ASTN2: variants seen among roughly 807,000 people sequenced by gnomAD.
ASTN2 encodes the protein astrotactin-2.
In ASTN2, 54 loss-of-function variants were observed where a neutral mutation model predicts 139.8. The ratio of observed to expected loss-of-function variants is 0.39; its 90% CI spans 0.31 to 0.48. The LOEUF (loss-of-function observed/expected upper bound fraction) is 0.48. Ranked by LOEUF, ASTN2 falls within the 20% of genes least tolerant of loss-of-function variation. ASTN2 has a pLI of 0.95. For missense variants in ASTN2, 1,565 were observed against 1,725.1 expected (o/e 0.91, Z 1.64); for synonymous variants, 756 against 719.5 (o/e 1.05, Z -0.81).
intron 5 of ASTN2, among the ~76,000 whole-genome samples, chr9:117,085,199 A>C (rs1262691843): frequency 1.3e-5 from 2 of 152,148 alleles, no homozygotes; most frequent in Admixed American, 1.3e-4. Context: ...CATCTAGTGC[A>C]TCATCCTCGG....
At position 116,706,760 on chromosome 9, in the gene ASTN2, A is replaced by ATTT. The variant is rs60395133; in HGVS notation, c.2806+19008_2806+19010dup. On this transcript the variant is annotated intron_variant, in intron 16 of 22. Transcript: ENST00000313400. ...TGCTAACTGACTCTTGCTGGCTAGA[A>ATTT]TTTTTTTTTTTTTTTTTTTTTTTTT... 6.0e-3 allele frequency among the ~76,000 whole-genome samples: 530 copies of ATTT among 88,042 alleles called. 12 individuals are homozygous for ATTT. The highest frequency in any genetic ancestry group is 9.1e-3 in the Middle Eastern group (1 of 110). The allele number at this position is 88,042 out of a possible 152,430, so 57.8% of individuals were successfully genotyped here.
intron 3 of ASTN2, among the ~76,000 whole-genome samples, chr9:117,166,819 A>C (rs2132914741): frequency 6.6e-6 from 1 of 152,212 alleles, no homozygotes; most frequent in Non-Finnish European, 1.5e-5. Context: ...GGATCAAATA[A>C]GATATTCCAT....
intron 22 of ASTN2, among the ~76,000 whole-genome samples, chr9:116,436,880 T>C (rs372867871): frequency 8.6e-5 from 13 of 151,742 alleles, no homozygotes; most frequent in East Asian, 3.9e-4. Flanking sequence ...TATGCAGCCA[T>C]AAAAAATGAT....
chr9:117,204,815 C>T (rs10122703), intron 3 of ASTN2, among the ~76,000 whole-genome samples: 2,327 of 152,228 alleles, frequency 0.015, 73 homozygotes, highest in African/African-American at 0.053. Flanking sequence ...GACAGCAATG[C>T]TCAATGAGTT....
At chr9:117,225,366 T>C (rs1446171823) in intron 2 of ASTN2, among the ~76,000 whole-genome samples, 1 of 151,200 alleles carries the variant, frequency 6.6e-6, no homozygotes, top group African/African-American at 2.4e-5. Context: ...ATGGAGAAGG[T>C]AGGGGAAAAC....
chr9:116,567,425 A>G lies in ASTN2; in HGVS notation c.3355+50899T>C, dbSNP rs555311923. ...TCAGTTGGCGGGGTGGGGCGCCAAC[A>G]GCCTATTCTGGGAAGTCTCTGTCCA... On this transcript the variant is annotated intron_variant, in intron 19 of 22. Transcript: ENST00000313400. Among the ~76,000 whole-genome samples, 43 of 152,296 alleles carry G rather than the reference A, an allele frequency of 2.8e-4. 2 individuals carry two copies. In the East Asian group the frequency reaches 7.9e-3, roughly 28 times the overall value.
intron 4 of ASTN2, among the ~76,000 whole-genome samples, chr9:117,109,215 G>C (rs1829185777): frequency 6.6e-6 from 1 of 152,100 alleles, no homozygotes; most frequent in Non-Finnish European, 1.5e-5. Flanking sequence ...CTGGGAGGCA[G>C]AGGTTGCAGT....
intron 1 of ASTN2, among the ~76,000 whole-genome samples, chr9:117,315,665 G>A (rs1828121717): frequency 6.6e-6 from 1 of 152,040 alleles, no homozygotes; most frequent in African/African-American, 2.4e-5. Context: ...GGTTTTCTTT[G>A]GACCCATGAG....
chr9:117,030,841 AAAG>A (rs1351369768), intron 6 of ASTN2, among the ~76,000 whole-genome samples: 3 of 152,144 alleles, frequency 2.0e-5, no homozygotes, highest in South Asian at 2.1e-4. Context: ...AGTACAAGAA[AAAG>A]AAGAAGTGAA....
chr9:116,841,576 C>T (rs1832262039), intron 11 of ASTN2, among the ~76,000 whole-genome samples: 1 of 152,078 alleles, frequency 6.6e-6, no homozygotes. Flanking sequence ...AATAACGAGA[C>T]TAAACACATA....
intron 13 of ASTN2, among the ~76,000 whole-genome samples, chr9:116,763,799 T>A (rs1411809926): frequency 6.6e-6 from 1 of 152,164 alleles, no homozygotes; most frequent in African/African-American, 2.4e-5. Flanking sequence ...TAATAGTAGA[T>A]ACCCAGTAAG....
At chr9:117,225,659 C>A (rs968622198) in intron 2 of ASTN2, among the ~76,000 whole-genome samples, 31 of 148,992 alleles carry the variant, frequency 2.1e-4, no homozygotes, top group Non-Finnish European at 3.3e-4. Context: ...TACCTGGAAG[C>A]AGGCAGACCT....
At chr9:116,766,821 AAC>A (rs112993258) in intron 13 of ASTN2, among the ~76,000 whole-genome samples, 14 of 151,490 alleles carry the variant, frequency 9.2e-5, no homozygotes, top group African/African-American at 3.4e-4. Flanking sequence ...CATATGCTTG[AAC>A]ACACAGTCAC....
At chr9:116,791,039 GAAAGAAAAGA>G (rs1554746885) in intron 13 of ASTN2, among the ~76,000 whole-genome samples, 1 of 82,104 alleles carries the variant, frequency 1.2e-5, no homozygotes, top group African/African-American at 4.1e-5. Flanking sequence ...AAGAAAGAAA[GAAAGAAAAGA>G]AAAGAAAGAA....
chr9:116,630,188 C>G (rs184836212), intron 17 of ASTN2, among the ~76,000 whole-genome samples: 202 of 152,280 alleles, frequency 1.3e-3, no homozygotes, highest in Non-Finnish European at 2.3e-3. Context: ...GAGGATGAGA[C>G]TGAGGCCCCA....
chr9:116,491,732 G>A lies in ASTN2; in HGVS notation c.3356-4232C>T, dbSNP rs188868912. ...AGGGGGTACTAAGAAAGGCATGGGGGCTTCTCTATGCACAAATGAAAATCA... is the reference window on the plus strand; with the variant it reads ...AGGGGGTACTAAGAAAGGCATGGGGACTTCTCTATGCACAAATGAAAATCA... On this transcript the variant is annotated intron_variant, in intron 19 of 22. Coordinates refer to ENST00000313400, the MANE Select transcript of ASTN2 (RefSeq NM_001365068.1). Among the ~76,000 whole-genome samples the A allele has an allele frequency of 2.2e-3, 338 of 152,300 alleles. 1 individual carries two copies. The highest frequency in any genetic ancestry group is 3.5e-3 in the Non-Finnish European group (237 of 68,032).
chr9:116,455,902 G>A (rs1219143195), intron 20 of ASTN2, among the ~76,000 whole-genome samples: 2 of 151,900 alleles, frequency 1.3e-5, no homozygotes. Context: ...TAGACACACA[G>A]CTAGTATTAT....
rs113360202 is a variant in ASTN2 at position 116,570,481 on chromosome 9, C to T, written c.3355+47843G>A. ...CATCATCTCGGCTCACTGCAAGCTC[C>T]GCCTCCCAGGTTCATGCCTTTCTCC... On this transcript the variant is annotated intron_variant, in intron 19 of 22. Coordinates refer to ENST00000313400, the MANE Select transcript of ASTN2 (RefSeq NM_001365068.1). Among the ~76,000 whole-genome samples the T allele has an allele frequency of 9.1e-4, 138 of 152,200 alleles. 2 individuals carry two copies. The highest frequency in any genetic ancestry group is 8.0e-3 in the Admixed American group (122 of 15,292).
chr9:116,595,932 T>A (rs1854553422), intron 19 of ASTN2, among the ~76,000 whole-genome samples: 1 of 152,172 alleles, frequency 6.6e-6, no homozygotes, highest in Admixed American at 6.5e-5. Context: ...TCTGGATTTA[T>A]ATCCAAAATA....
Sources: gnomAD v4.1 joint callset for allele counts (sites outside exome capture counted in the v4.1 genomes callset) on GRCh38, gnomAD v4.1.1 for gene constraint, MANE v1.5 for transcripts, NCBI Gene and HGNC (gene_info 2026-07-23, HGNC 2026-07-21) for gene names.